The following ATP11C variants were observed in gnomAD, a reference collection of about 807,000 sequenced individuals.
The protein encoded by ATP11C is ATPase phospholipid transporting 11C (ATP11C blood group).
Under a neutral mutation model 97.4 loss-of-function variants are expected in ATP11C, and 36 were observed. The ratio of observed to expected loss-of-function variants is 0.37; its 90% CI spans 0.28 to 0.49. The LOEUF (loss-of-function observed/expected upper bound fraction) is 0.49. Ranked by LOEUF, ATP11C falls within the 20% of genes least tolerant of loss-of-function variation. The probability of loss-of-function intolerance (pLI) is 0.98; values close to 1 mark genes in which losing one functional copy is unlikely to be tolerated. For synonymous variants in ATP11C, 275 were observed against 290.9 expected (o/e 0.95, Z 0.56); for missense variants, 730 against 824.6 (o/e 0.89, Z 1.40).
In ATP11C at chrX:139,798,262, C is replaced by T. The variant is rs375696231; in HGVS notation, c.857+11G>A. On this transcript the variant is annotated intron_variant, in intron 10 of 29. Transcript: ENST00000682941. ...TCAATAATGACTAAATAAATTGTGGCGCATACTAACTTTTCAACAGCAGAA... is the reference window on the plus strand; with the variant it reads ...TCAATAATGACTAAATAAATTGTGGTGCATACTAACTTTTCAACAGCAGAA... The T allele has an allele frequency of 8.7e-5, 103 of 1,185,753 alleles. No homozygotes were observed. Among genetic ancestry groups the T allele is most frequent in the South Asian group, 1.5e-4 (8 of 53,715 alleles).
At chrX:139,909,245 C>T (rs889132123) in intron 1 of ATP11C, among the ~76,000 whole-genome samples, 5 of 111,208 alleles carry the variant, frequency 4.5e-5, no homozygotes, top group African/African-American at 1.6e-4. Flanking sequence ...AATTCTCCTA[C>T]CTCAGCCTCC....
chrX:139,820,652 T>C (rs1049589247), intron 2 of ATP11C, among the ~76,000 whole-genome samples: 9 of 109,322 alleles, frequency 8.2e-5, no homozygotes, highest in African/African-American at 3.0e-4. Context: ...TAATTGGTAA[T>C]AGGTAAAAGT....
At chrX:139,827,578 C>T (rs1250750327) in intron 1 of ATP11C, among the ~76,000 whole-genome samples, 2 of 111,380 alleles carry the variant, frequency 1.8e-5, no homozygotes, top group African/African-American at 6.5e-5. Flanking sequence ...GGATAATACC[C>T]TTTTCTTATA....
chrX:139,873,384 A>T (rs2084408501), intron 1 of ATP11C, among the ~76,000 whole-genome samples: 1 of 111,771 alleles, frequency 8.9e-6, no homozygotes. Context: ...GTGTGAATGC[A>T]GTTAATGCCA....
At chrX:139,736,684 A>T (rs1569421786) in intron 28 of ATP11C, among the ~76,000 whole-genome samples, 1 of 111,619 alleles carries the variant, frequency 9.0e-6, no homozygotes, top group Non-Finnish European at 1.9e-5. Flanking sequence ...AGAGTAAAGC[A>T]GTTGTAACTA....
intron 1 of ATP11C, among the ~76,000 whole-genome samples, chrX:139,922,781 T>C (rs191396575): frequency 5.7e-4 from 63 of 111,421 alleles, no homozygotes; most frequent in African/African-American, 1.8e-3. Flanking sequence ...TGTTATACTT[T>C]TTATTTGTTT....
intron 1 of ATP11C, among the ~76,000 whole-genome samples, chrX:139,927,226 T>G (rs150005682): frequency 5.8e-4 from 65 of 111,809 alleles, no homozygotes; most frequent in African/African-American, 1.4e-3. Context: ...CAGGATTGAC[T>G]GCAGTGCCCA....
chrX:139,830,903 G>A (rs1167610755), intron 1 of ATP11C, among the ~76,000 whole-genome samples: 1 of 110,905 alleles, frequency 9.0e-6, no homozygotes, highest in Non-Finnish European at 1.9e-5. Flanking sequence ...TTCCATACTA[G>A]GGCTGAAGGG....
At chrX:139,831,560 A>G (rs918157765) in intron 1 of ATP11C, among the ~76,000 whole-genome samples, 13 of 111,224 alleles carry the variant, frequency 1.2e-4, no homozygotes, top group African/African-American at 3.9e-4. Context: ...AGTATTCCCA[A>G]TCTGATCCCC....
intron 28 of ATP11C, among the ~76,000 whole-genome samples, chrX:139,732,724 T>C (rs1332170452): frequency 9.0e-6 from 1 of 111,694 alleles, no homozygotes; most frequent in Non-Finnish European, 1.9e-5. Flanking sequence ...ATAGGAATAG[T>C]CTATTATTAC....
chrX:139,868,561 CAAA>C (rs370631053), intron 1 of ATP11C, among the ~76,000 whole-genome samples: 2 of 78,731 alleles, frequency 2.5e-5, no homozygotes, highest in African/African-American at 4.7e-5. Context: ...ACTAAAAGTA[CAAA>C]AAAAAAAAAA....
At chrX:139,809,017 G>A (rs1389042288) in intron 5 of ATP11C, among the ~76,000 whole-genome samples, 3 of 110,208 alleles carry the variant, frequency 2.7e-5, no homozygotes, top group Non-Finnish European at 1.9e-5. Flanking sequence ...GGAGGCTGAG[G>A]CAGAAGAATC....
intron 1 of ATP11C, among the ~76,000 whole-genome samples, chrX:139,884,026 G>A (rs2084601414): frequency 8.9e-6 from 1 of 111,956 alleles, no homozygotes; most frequent in African/African-American, 3.2e-5. Context: ...TCAAGGGATG[G>A]TGTGGTATTA....
At chrX:139,860,426 A>G (rs999500223) in intron 1 of ATP11C, among the ~76,000 whole-genome samples, 3 of 112,165 alleles carry the variant, frequency 2.7e-5, no homozygotes, top group African/African-American at 9.7e-5. Context: ...AAAAGCACGG[A>G]TATCTAATTT....
At chrX:139,885,607 A>G (rs1273890030) in intron 1 of ATP11C, 1 of 112,172 alleles carries the variant, frequency 8.9e-6, no homozygotes, top group Non-Finnish European at 1.9e-5. Flanking sequence ...ATTTTTATCC[A>G]TAAAATACAA....
At chrX:139,877,480 GA>G (rs1279100441) in intron 1 of ATP11C, among the ~76,000 whole-genome samples, 1 of 111,358 alleles carries the variant, frequency 9.0e-6, no homozygotes, top group African/African-American at 3.3e-5. Context: ...GGCTCACCAA[GA>G]GTCATTAACC....
rs185200084 is a variant in ATP11C, at chrX:139,734,637, A to C, written c.3289-2882T>G. 2.7e-5 allele frequency among the ~76,000 whole-genome samples: 3 copies of C among 111,295 alleles called. No homozygotes were observed. In the East Asian group the frequency reaches 8.6e-4, roughly 32 times the overall value. On this transcript the variant is annotated intron_variant, in intron 28 of 29. Coordinates refer to ENST00000682941, the MANE Select transcript of ATP11C (RefSeq NM_001353812.2). ...TTGAAATACAAAAATCCTATACTTG[A>C]CCTTTCCTTGAGGTGTTATCCTGCT...
chrX:139,888,137 A>T (rs1035717175), intron 1 of ATP11C, among the ~76,000 whole-genome samples: 2 of 109,078 alleles, frequency 1.8e-5, no homozygotes, highest in African/African-American at 3.4e-5. Context: ...AAAGCTGTAT[A>T]ATTTTTTTTT....
At chrX:139,775,457 T>C (rs1162527783) in intron 18 of ATP11C, among the ~76,000 whole-genome samples, 1 of 111,925 alleles carries the variant, frequency 8.9e-6, no homozygotes, top group Non-Finnish European at 1.9e-5. Context: ...GTTGTCCTCA[T>C]AAAAAAGATC....
Sources: gnomAD v4.1 joint callset for allele counts (sites outside exome capture counted in the v4.1 genomes callset) on GRCh38, gnomAD v4.1.1 for gene constraint, MANE v1.5 for transcripts, NCBI Gene and HGNC (gene_info 2026-07-23, HGNC 2026-07-21) for gene names.